NCAPG2: variants seen among roughly 807,000 people sequenced by gnomAD.
NCAPG2 encodes non-SMC condensin II complex subunit G2, also known as condensin-2 complex subunit G2.
Under a neutral mutation model 141.1 loss-of-function variants are expected in NCAPG2, and 53 were observed. The ratio of observed to expected loss-of-function variants is 0.38; its 90% confidence interval spans 0.30 to 0.47. NCAPG2 has a LOEUF of 0.47. NCAPG2 is among the 20% of genes least tolerant of loss of function. The probability of loss-of-function intolerance (pLI) is 0.99; values close to 1 mark genes in which losing one functional copy is unlikely to be tolerated. For missense variants in NCAPG2, 1,087 were observed against 1,389.0 expected (o/e 0.78, Z 3.46); for synonymous variants, 499 against 490.7 (o/e 1.02, Z -0.22).
At chr7:158,653,387 A>AATAAT (rs5888766) in intron 22 of NCAPG2, among the ~76,000 whole-genome samples, 66,138 of 145,922 alleles carry the variant, frequency 0.45, 16,157 homozygotes, top group Non-Finnish European at 0.54. Flanking sequence ...ATAAAAAAAA[A>AATAAT]AATAATAATA....
At chr7:158,704,155 T>A (rs1001475689) in intron 1 of NCAPG2, among the ~76,000 whole-genome samples, 2 of 127,126 alleles carry the variant, frequency 1.6e-5, no homozygotes, top group African/African-American at 6.0e-5. Context: ...TGCCCAGGAC[T>A]GAGGGGGTCG....
At chr7:158,659,106 G>GA (rs1399142975) in intron 16 of NCAPG2, among the ~76,000 whole-genome samples, 1 of 149,962 alleles carries the variant, frequency 6.7e-6, no homozygotes, top group East Asian at 2.0e-4. Flanking sequence ...GAGGCAGCTG[G>GA]ATCACCTGAG....
chr7:158,654,795 A>T lies in NCAPG2; in HGVS notation c.2647-101T>A, dbSNP rs568201485. 2.3e-5 allele frequency: 34 copies of T among 1,464,816 alleles called. No individual in the cohort carries two copies. In the African/African-American group the frequency reaches 3.4e-4, roughly 15 times the overall value. 90.7% of individuals were successfully genotyped at this position (1,464,816 alleles called of 1,614,324 possible). On this transcript the variant is annotated intron_variant, in intron 21 of 27. Transcript: ENST00000356309. Reference sequence around the variant, plus strand: ...CCTATCCATGTGCTAGTTATCTTATAAAGCAGATTTTTATAAAGATGTTTT... The same window carrying T: ...CCTATCCATGTGCTAGTTATCTTATTAAGCAGATTTTTATAAAGATGTTTT...
At chr7:158,690,426 T>C (rs553650256) in intron 5 of NCAPG2, 142 bp downstream of exon 5, 1 of 722,916 alleles carries the variant, frequency 1.4e-6, no homozygotes, top group South Asian at 2.0e-5. Flanking sequence ...ACTCCTGAAG[T>C]CTCAGCTACT....
At chr7:158,695,538 C>T (rs1240046967) in intron 2 of NCAPG2, among the ~76,000 whole-genome samples, 2 of 152,246 alleles carry the variant, frequency 1.3e-5, no homozygotes, top group African/African-American at 4.8e-5. Context: ...CCCAGCTTCA[C>T]TGAAGGCTGT....
chr7:158,636,559 A>G (rs1587040315), intron 27 of NCAPG2, among the ~76,000 whole-genome samples: 1 of 151,210 alleles, frequency 6.6e-6, no homozygotes, highest in South Asian at 2.1e-4. Flanking sequence ...GTGCCACCAT[A>G]CCCAGCTAAT....
rs1168582133 is a variant in NCAPG2, at chr7:158,675,634, G to A, written c.1169C>T (p.Pro390Leu). 3.1e-6 allele frequency: 5 copies of A among 1,611,322 alleles called. No homozygotes were observed. Among genetic ancestry groups the A allele is most frequent in the African/African-American group, 1.3e-5 (1 of 74,830 alleles). The change falls in exon 12 of 28, where the codon CCG (proline) becomes CTG (leucine). Residue 390 changes from proline (P) to leucine (L), a missense_variant. Pro to Leu is a moderately conservative substitution (Grantham distance 98). Transcript: ENST00000356309. ...ELYSLLEDPY[P>L]MVRSTGILGV... Reference sequence around the variant, plus strand: ...AAGGATCCCTGTGGAACGGACCATCGGGTAAGGATCTTCTAAAAGGCTCTA... The same window carrying A: ...AAGGATCCCTGTGGAACGGACCATCAGGTAAGGATCTTCTAAAAGGCTCTA...
intron 2 of NCAPG2, among the ~76,000 whole-genome samples, chr7:158,701,159 A>G (rs1835760597): frequency 6.6e-6 from 1 of 152,100 alleles, no homozygotes; most frequent in Non-Finnish European, 1.5e-5. Context: ...CTTCCCCACC[A>G]TATCCATATC....
chr7:158,675,541 T>G lies in NCAPG2; in HGVS notation c.1262A>C (p.Lys421Thr). 1 of 1,613,742 alleles carries G rather than the reference T, an allele frequency of 6.2e-7. No homozygotes were observed. Among genetic ancestry groups the G allele is most frequent in the East Asian group, 2.2e-5 (1 of 44,880 alleles). ...MPPTILIDLL[K>T]KVTGELAFDT... ...AAATGCCAGTTCCCCAGTCACCTTC[T>G]TCAGGAGGTCAATAAGAATGGTCGG... The change falls in exon 12 of 28, where the codon AAG (lysine) becomes ACG (threonine). Residue 421 changes from lysine (K) to threonine (T), a missense_variant. Coordinates refer to ENST00000356309, the MANE Select transcript of NCAPG2 (RefSeq NM_017760.7).
At position 158,690,557 on chromosome 7, in the gene NCAPG2, A is replaced by G; in HGVS notation, c.537+11T>C. The G allele has an allele frequency of 6.2e-7, 1 of 1,611,544 alleles. No homozygotes were observed. The highest frequency in any genetic ancestry group is 8.5e-7 in the Non-Finnish European group (1 of 1,178,102). On this transcript the variant is annotated intron_variant, in intron 5 of 27. Transcript: ENST00000356309. ...AGACCCTGTCTTTAAAAAAATAAAAAGTGAGCATACTGTCTTAGTCTCCAG... is the reference window on the plus strand; with the variant it reads ...AGACCCTGTCTTTAAAAAAATAAAAGGTGAGCATACTGTCTTAGTCTCCAG...
rs189314816 is a variant in NCAPG2, at chr7:158,695,415, C to T, written c.79-1918G>A. ...AGGAAAAGAAATAGCTGCCCATCCACCTATGTGACAAACTAGGATGGGCTG... is the reference window on the plus strand; with the variant it reads ...AGGAAAAGAAATAGCTGCCCATCCATCTATGTGACAAACTAGGATGGGCTG... On this transcript the variant is annotated intron_variant, in intron 2 of 27. Coordinates refer to ENST00000356309, the MANE Select transcript of NCAPG2 (RefSeq NM_017760.7). Among the ~76,000 whole-genome samples, 24 of 152,340 alleles carry T rather than the reference C, an allele frequency of 1.6e-4. No homozygotes were observed. In the Middle Eastern group the frequency reaches 0.01, roughly 65 times the overall value.
chr7:158,682,440 A>G (rs1012657595), intron 9 of NCAPG2, among the ~76,000 whole-genome samples: 2 of 152,168 alleles, frequency 1.3e-5, no homozygotes, highest in African/African-American at 4.8e-5. Context: ...AGTAGTCTAG[A>G]TAAATCTCTG....
At chr7:158,687,231 A>G in intron 7 of NCAPG2, 117 bp downstream of exon 7, 2 of 618,830 alleles carry the variant, frequency 3.2e-6, no homozygotes, top group Non-Finnish European at 5.5e-6. Context: ...GGTACATAAT[A>G]AATAACGTAT....
chr7:158,682,307 A>T (rs1307816145), intron 9 of NCAPG2, among the ~76,000 whole-genome samples: 4 of 150,132 alleles, frequency 2.7e-5, no homozygotes, highest in Non-Finnish European at 5.9e-5. Context: ...AATAACCCAA[A>T]CTGACTACAA....
At chr7:158,670,533 C>T (rs1488466741) in intron 13 of NCAPG2, among the ~76,000 whole-genome samples, 1 of 152,222 alleles carries the variant, frequency 6.6e-6, no homozygotes, top group Non-Finnish European at 1.5e-5. Flanking sequence ...GCCTGGGCAT[C>T]AGAGTGGGAC....
At chr7:158,679,880 G>C in intron 11 of NCAPG2, 80 bp downstream of exon 11, 1 of 1,519,624 alleles carries the variant, frequency 6.6e-7, no homozygotes, top group Non-Finnish European at 8.9e-7. Context: ...CAGGGGAGGT[G>C]GGGACACACA....
At chr7:158,645,817 G>T (rs1830973676) in intron 25 of NCAPG2, among the ~76,000 whole-genome samples, 198 bp from the exon 26 acceptor site, 1 of 152,166 alleles carries the variant, frequency 6.6e-6, no homozygotes, top group African/African-American at 2.4e-5. Flanking sequence ...AGAGGATGCT[G>T]CTGGGAACAG....
intron 17 of NCAPG2, among the ~76,000 whole-genome samples, chr7:158,657,919 C>G (rs58908868): frequency 0.54 from 81,571 of 150,136 alleles, 22,484 homozygotes; most frequent in Non-Finnish European, 0.6. Context: ...AAGGGCGGTG[C>G]AAGATGTGCT....
chr7:158,680,988 G>C (rs527669403), intron 9 of NCAPG2, among the ~76,000 whole-genome samples, 172 bp from the exon 10 acceptor site: 2 of 152,330 alleles, frequency 1.3e-5, no homozygotes, highest in South Asian at 4.1e-4. Flanking sequence ...AATGGATATA[G>C]GACAGTAGTA....
Sources: allele counts gnomAD v4.1 joint callset (sites outside exome capture counted in the v4.1 genomes callset), GRCh38; gene constraint gnomAD v4.1.1; transcripts MANE v1.5; gene names NCBI Gene and HGNC (gene_info 2026-07-23, HGNC 2026-07-21).